Variants in SH3RF3 observed in about 807,000 individuals in gnomAD.
The protein encoded by SH3RF3 is E3 ubiquitin-protein ligase SH3RF3.
Under a neutral mutation model 66.3 loss-of-function variants are expected in SH3RF3, and 29 were observed. That is an observed-to-expected ratio of 0.44 (90% CI 0.33 to 0.60). SH3RF3 has a LOEUF of 0.60. Among genes scored for constraint, SH3RF3 ranks in the 20% least tolerant of loss-of-function variants. SH3RF3 has a pLI of 0.04. For synonymous variants in SH3RF3, 583 were observed against 532.0 expected, an observed-to-expected ratio of 1.10 and a Z score of -1.32; for missense variants, 1,194 against 1,190.9, an observed-to-expected ratio of 1.00 and a Z score of -0.04.
intron 1 of SH3RF3, among the ~76,000 whole-genome samples, chr2:109,137,899 A>G (rs574339059): frequency 4.6e-5 from 7 of 152,372 alleles, no homozygotes; most frequent in African/African-American, 1.7e-4. Context: ...GGTTGAGGAA[A>G]GTACTCCTGA....
chr2:109,243,606 A>T (rs1215138936), intron 1 of SH3RF3, among the ~76,000 whole-genome samples: 1 of 152,168 alleles, frequency 6.6e-6, no homozygotes, highest in Non-Finnish European at 1.5e-5. Context: ...GTGGCTGGGG[A>T]ACATTTTTAA....
rs564001261 is a variant in SH3RF3, at chr2:109,241,674, T to C, written c.574-106000T>C. 3.0e-4 allele frequency among the ~76,000 whole-genome samples: 46 copies of C among 152,224 alleles called. No homozygotes were observed. In the South Asian group the frequency reaches 7.7e-3, roughly 25 times the overall value. ...CCTCGCCATGGTGAGGGTTCGGCAGTTCTCTCCCCCAGTCCCTGCAGTCCC... is the reference window on the plus strand; with the variant it reads ...CCTCGCCATGGTGAGGGTTCGGCAGCTCTCTCCCCCAGTCCCTGCAGTCCC... On this transcript the variant is annotated intron_variant, in intron 1 of 9. Transcript: ENST00000309415.
chr2:109,255,267 G>C (rs1203192597), intron 1 of SH3RF3, among the ~76,000 whole-genome samples: 1 of 152,140 alleles, frequency 6.6e-6, no homozygotes, highest in Non-Finnish European at 1.5e-5. Flanking sequence ...CCAGTGAATG[G>C]GTCACACTGT....
At chr2:109,341,315 TA>T (rs1340287297) in intron 1 of SH3RF3, among the ~76,000 whole-genome samples, 1 of 152,210 alleles carries the variant, frequency 6.6e-6, no homozygotes, top group Non-Finnish European at 1.5e-5. Context: ...ATTAAATCTA[TA>T]AAGTGGAAGA....
chr2:109,477,706 C>A (rs916822785), intron 8 of SH3RF3, among the ~76,000 whole-genome samples: 1 of 151,928 alleles, frequency 6.6e-6, no homozygotes, highest in Non-Finnish European at 1.5e-5. Flanking sequence ...AGTCTGAGAT[C>A]CAGACACCAC....
At chr2:109,449,107 T>C (rs1183885963) in intron 7 of SH3RF3, 63 bp from the exon 8 acceptor site, 1 of 1,533,656 alleles carries the variant, frequency 6.5e-7, no homozygotes, top group African/African-American at 1.4e-5. Flanking sequence ...TGCAGCTGCC[T>C]GGCAGGCATG....
intron 1 of SH3RF3, among the ~76,000 whole-genome samples, chr2:109,288,740 G>T (rs1251023636): frequency 1.3e-5 from 2 of 152,200 alleles, no homozygotes; most frequent in African/African-American, 4.8e-5. Flanking sequence ...ATGGGTAAAA[G>T]TTGTCATGAT....
chr2:109,229,712 G>A (rs550562321), intron 1 of SH3RF3, among the ~76,000 whole-genome samples: 3 of 152,188 alleles, frequency 2.0e-5, no homozygotes, highest in East Asian at 3.9e-4. Context: ...TAGGTACCTC[G>A]TATAACTGGA....
At chr2:109,444,688 A>G (rs1428865195) in intron 7 of SH3RF3, among the ~76,000 whole-genome samples, 2 of 152,170 alleles carry the variant, frequency 1.3e-5, no homozygotes, top group Non-Finnish European at 2.9e-5. Context: ...ACCTAGTTCT[A>G]AGGGAGGGTC....
intron 1 of SH3RF3, among the ~76,000 whole-genome samples, chr2:109,340,267 T>C (rs1437981952): frequency 1.3e-5 from 2 of 152,068 alleles, no homozygotes; most frequent in Non-Finnish European, 2.9e-5. Flanking sequence ...GCAGATAATA[T>C]AAGGCCAAGC....
chr2:109,177,239 G>C (rs1345176184), intron 1 of SH3RF3, among the ~76,000 whole-genome samples: 1 of 152,170 alleles, frequency 6.6e-6, no homozygotes, highest in African/African-American at 2.4e-5. Context: ...TCCTGTGCAG[G>C]ATTGTGAAGC....
chr2:109,305,548 T>G (rs1357679006), intron 1 of SH3RF3, among the ~76,000 whole-genome samples: 1 of 152,170 alleles, frequency 6.6e-6, no homozygotes, highest in African/African-American at 2.4e-5. Flanking sequence ...GTGGAAATTA[T>G]GCACCAGGAA....
chr2:109,179,937 C>T (rs1385174166), intron 1 of SH3RF3, among the ~76,000 whole-genome samples: 2 of 145,662 alleles, frequency 1.4e-5, no homozygotes, highest in African/African-American at 5.1e-5. Flanking sequence ...GGCTATTAAA[C>T]AAGACAGAGG....
intron 2 of SH3RF3, among the ~76,000 whole-genome samples, chr2:109,361,959 T>G (rs988525473): frequency 3.3e-5 from 5 of 152,208 alleles, no homozygotes; most frequent in African/African-American, 1.2e-4. Context: ...TTGTGTCCTC[T>G]GTTTTTCTTA....
intron 1 of SH3RF3, among the ~76,000 whole-genome samples, chr2:109,284,905 T>G (rs1292756256): frequency 6.6e-6 from 1 of 152,256 alleles, no homozygotes; most frequent in East Asian, 1.9e-4. Context: ...CACACTGGGC[T>G]CGTCTGCTTC....
At chr2:109,366,706 A>G (rs1166954972) in intron 2 of SH3RF3, among the ~76,000 whole-genome samples, 2 of 152,132 alleles carry the variant, frequency 1.3e-5, no homozygotes, top group Non-Finnish European at 1.5e-5. Flanking sequence ...CAACAAAATT[A>G]GCTGCGTGTG....
At chr2:109,401,551 T>C (rs1234696320) in intron 4 of SH3RF3, among the ~76,000 whole-genome samples, 1 of 152,128 alleles carries the variant, frequency 6.6e-6, no homozygotes, top group African/African-American at 2.4e-5. Flanking sequence ...AATTTGTGAG[T>C]AATATGTCCA....
intron 3 of SH3RF3, among the ~76,000 whole-genome samples, chr2:109,386,136 G>C (rs1280167853): frequency 6.6e-6 from 1 of 152,234 alleles, no homozygotes; most frequent in Non-Finnish European, 1.5e-5. Flanking sequence ...TTGAAAGAGA[G>C]GGTCAAGGCT....
chr2:109,474,163 C>T (rs898616846), intron 8 of SH3RF3, among the ~76,000 whole-genome samples: 4 of 152,142 alleles, frequency 2.6e-5, no homozygotes, highest in Admixed American at 2.6e-4. Context: ...TTGGCCGCAC[C>T]TGCGTAAGAG....
Sources: allele counts gnomAD v4.1 joint callset (sites outside exome capture counted in the v4.1 genomes callset), GRCh38; gene constraint gnomAD v4.1.1; transcripts MANE v1.5; gene names NCBI Gene and HGNC (gene_info 2026-07-23, HGNC 2026-07-21).